The following ASIC2 variants were observed in gnomAD, a reference collection of about 807,000 sequenced individuals.
ASIC2 encodes the protein acid sensing ion channel subunit 2, also known as acid-sensing ion channel 2.
A neutral mutation model predicts 57.3 loss-of-function variants in ASIC2; 25 were observed. That is an observed-to-expected ratio of 0.44 (90% CI 0.32 to 0.61). The LOEUF is 0.61. ASIC2 is among the 20% of genes least tolerant of loss of function. ASIC2 has a pLI of 0.06. For synonymous variants in ASIC2, 319 were observed against 307.5 expected (o/e 1.04, Z -0.39); for missense variants, 641 against 738.1 (o/e 0.87, Z 1.52).
upstream of ASIC2, among the ~76,000 whole-genome samples, chr17:33,296,775 A>G (rs1020395771): frequency 3.3e-5 from 5 of 152,132 alleles, no homozygotes; most frequent in Non-Finnish European, 7.3e-5. Flanking sequence ...TTGTAATACA[A>G]TTTTCAGAGC....
intron 1 of ASIC2, among the ~76,000 whole-genome samples, chr17:34,096,954 A>G (rs1290024194): frequency 6.6e-6 from 1 of 151,624 alleles, no homozygotes; most frequent in Non-Finnish European, 1.5e-5. Flanking sequence ...GTGGTCCTCA[A>G]GGTGGAAAGA....
At chr17:33,687,481 A>G (rs1022874685) in intron 1 of ASIC2, among the ~76,000 whole-genome samples, 1 of 152,186 alleles carries the variant, frequency 6.6e-6, no homozygotes, top group Non-Finnish European at 1.5e-5. Flanking sequence ...CTTATTGCCT[A>G]GGAAGGTCCA....
At chr17:33,655,853 C>T (rs1480657675) in intron 1 of ASIC2, among the ~76,000 whole-genome samples, 3 of 152,176 alleles carry the variant, frequency 2.0e-5, no homozygotes, top group Non-Finnish European at 4.4e-5. Flanking sequence ...CTATATCTAT[C>T]ATGAAGAGAG....
chr17:33,156,436 A>G (rs1905004796), intron 1 of ASIC2, among the ~76,000 whole-genome samples: 1 of 152,044 alleles, frequency 6.6e-6, no homozygotes, highest in Admixed American at 6.5e-5. Flanking sequence ...GGGAGCTTTT[A>G]AAAATGATCA....
chr17:33,684,077 T>C (rs1389463568), intron 1 of ASIC2, among the ~76,000 whole-genome samples: 1 of 152,256 alleles, frequency 6.6e-6, no homozygotes, highest in African/African-American at 2.4e-5. Flanking sequence ...TACACAAATC[T>C]AGCTAGTTGT....
intron 1 of ASIC2, among the ~76,000 whole-genome samples, chr17:33,698,876 C>T (rs1908610605): frequency 6.6e-6 from 1 of 152,156 alleles, no homozygotes; most frequent in Admixed American, 6.5e-5. Context: ...GGATTCATTA[C>T]AGAGCCCCCA....
chr17:33,594,587 G>A (rs1171268507), intron 1 of ASIC2, among the ~76,000 whole-genome samples: 1 of 152,168 alleles, frequency 6.6e-6, no homozygotes, highest in African/African-American at 2.4e-5. Flanking sequence ...CCAGCACTGT[G>A]GGAGGCTGAG....
intron 2 of ASIC2, among the ~76,000 whole-genome samples, chr17:33,092,061 G>A (rs1466825723): frequency 3.3e-5 from 5 of 152,148 alleles, no homozygotes; most frequent in Admixed American, 6.5e-5. Context: ...CGAGAACTCC[G>A]CCATCTTGCC....
intron 1 of ASIC2, among the ~76,000 whole-genome samples, chr17:33,824,394 A>G (rs8074376): frequency 0.042 from 6,377 of 152,008 alleles, 461 homozygotes; most frequent in African/African-American, 0.15. Flanking sequence ...ATGTATGTAT[A>G]TAATTTTATA....
intron 2 of ASIC2, among the ~76,000 whole-genome samples, chr17:33,102,203 C>A (rs1260949893): frequency 1.3e-5 from 2 of 152,152 alleles, no homozygotes; most frequent in Non-Finnish European, 2.9e-5. Flanking sequence ...TTTTGGGAAA[C>A]CAAATTCTAC....
chr17:34,109,015 T>C (rs1483355479), intron 1 of ASIC2, among the ~76,000 whole-genome samples: 4 of 144,426 alleles, frequency 2.8e-5, no homozygotes, highest in Non-Finnish European at 4.5e-5. Flanking sequence ...GTCTATTTTC[T>C]TTTTTTATTT....
rs549220472 is a variant in ASIC2, at chr17:33,108,509, C to T, written c.859+3408G>A. On this transcript the variant is annotated intron_variant, in intron 2 of 9. Coordinates refer to ENST00000225823, the MANE Select transcript of ASIC2 (RefSeq NM_183377.2). ...CTCGGGATCAATGACCAAGCAGCCA[C>T]GTGTGTCTGCGCCTCCTCAGGTGGC... 3.3e-5 allele frequency among the ~76,000 whole-genome samples: 5 copies of T among 152,316 alleles called. No homozygotes were observed. In the South Asian group the frequency reaches 6.2e-4, roughly 19 times the overall value.
intron 1 of ASIC2, among the ~76,000 whole-genome samples, chr17:33,112,401 T>C (rs559770501): frequency 6.6e-6 from 1 of 152,262 alleles, no homozygotes; most frequent in African/African-American, 2.4e-5. Context: ...AGTCCACACC[T>C]CCAGCCCTGG....
intron 2 of ASIC2, among the ~76,000 whole-genome samples, chr17:33,100,597 GC>G (rs1029159886): frequency 2.0e-5 from 3 of 152,166 alleles, no homozygotes; most frequent in Admixed American, 6.5e-5. Context: ...GACTGCAAAT[GC>G]TTGGCACTCC....
chr17:33,778,714 C>T (rs1457271703), intron 1 of ASIC2, among the ~76,000 whole-genome samples: 1 of 152,136 alleles, frequency 6.6e-6, no homozygotes, highest in Non-Finnish European at 1.5e-5. Context: ...CTCTCTGAGC[C>T]TCGACGTCCT....
intron 1 of ASIC2, among the ~76,000 whole-genome samples, chr17:33,387,691 A>G (rs1909735471): frequency 6.6e-6 from 1 of 152,238 alleles, no homozygotes; most frequent in Non-Finnish European, 1.5e-5. Flanking sequence ...AGATGGGGCC[A>G]TTACCCTGGC....
intron 2 of ASIC2, among the ~76,000 whole-genome samples, chr17:33,101,855 T>G (rs2092213255): frequency 6.6e-6 from 1 of 152,246 alleles, no homozygotes; most frequent in Non-Finnish European, 1.5e-5. Flanking sequence ...TTTTCCTGTT[T>G]TTTTTTCCAT....
intron 1 of ASIC2, among the ~76,000 whole-genome samples, chr17:33,350,686 A>AG (rs1214738878): frequency 9.2e-5 from 14 of 151,806 alleles, no homozygotes; most frequent in African/African-American, 2.7e-4. Context: ...TGTGAGAAAA[A>AG]AAAAGAAAGA....
chr17:34,123,502 G>A (rs181598721), intron 1 of ASIC2, among the ~76,000 whole-genome samples: 1 of 152,290 alleles, frequency 6.6e-6, no homozygotes, highest in East Asian at 1.9e-4. Flanking sequence ...TACCCTGGGA[G>A]TCACCTTGTA....
Sources: allele counts gnomAD v4.1 joint callset (sites outside exome capture counted in the v4.1 genomes callset), GRCh38; gene constraint gnomAD v4.1.1; transcripts MANE v1.5; gene names NCBI Gene and HGNC (gene_info 2026-07-23, HGNC 2026-07-21).